The following PTPRT variants were observed in gnomAD, a reference collection of about 807,000 sequenced individuals.
PTPRT encodes protein tyrosine phosphatase receptor type T, also known as receptor-type tyrosine-protein phosphatase T.
Under a neutral mutation model 176.8 loss-of-function variants are expected in PTPRT, and 56 were observed. That is an observed-to-expected ratio of 0.32 (90% CI 0.26 to 0.40). The LOEUF (loss-of-function observed/expected upper bound fraction) is 0.40. Ranked by LOEUF, PTPRT falls within the 10% of genes least tolerant of loss-of-function variation. The probability of loss-of-function intolerance (pLI) is 1.00; values close to 1 mark genes in which losing one functional copy is unlikely to be tolerated. For synonymous variants in PTPRT, 783 were observed against 739.0 expected, an observed-to-expected ratio of 1.06 and a Z score of -0.96; for missense variants, 1,540 against 1,908.2, an observed-to-expected ratio of 0.81 and a Z score of 3.60.
chr20:42,214,625 C>T (rs958337389), intron 15 of PTPRT, among the ~76,000 whole-genome samples: 2 of 152,238 alleles, frequency 1.3e-5, no homozygotes, highest in Non-Finnish European at 2.9e-5. Flanking sequence ...ATCTGTCTAT[C>T]TCTGCTTCTT....
At chr20:42,731,453 C>T (rs572146117) in intron 6 of PTPRT, among the ~76,000 whole-genome samples, 120 of 152,272 alleles carry the variant, frequency 7.9e-4, no homozygotes, top group Middle Eastern at 6.8e-3. Context: ...GGCAGGCCCC[C>T]GAGCCTGACA....
At chr20:42,115,718 G>A (rs191441286) in intron 21 of PTPRT, among the ~76,000 whole-genome samples, 1 of 152,358 alleles carries the variant, frequency 6.6e-6, no homozygotes, top group Non-Finnish European at 1.5e-5. Flanking sequence ...GGGACTGACT[G>A]AGTCCCCTTT....
At chr20:43,185,306 A>C (rs1341324413) in intron 1 of PTPRT, among the ~76,000 whole-genome samples, 1 of 152,102 alleles carries the variant, frequency 6.6e-6, no homozygotes, top group Non-Finnish European at 1.5e-5. Context: ...CAAGTGCACA[A>C]AGTATCTTTT....
intron 1 of PTPRT, among the ~76,000 whole-genome samples, chr20:43,085,378 T>C (rs752896450): frequency 2.4e-4 from 36 of 152,240 alleles, no homozygotes; most frequent in Admixed American, 2.0e-4. Context: ...ACTGTTTATA[T>C]GCTACTCTAT....
chr20:42,580,070 T>C (rs1271816345), intron 7 of PTPRT, among the ~76,000 whole-genome samples: 3 of 152,254 alleles, frequency 2.0e-5, no homozygotes, highest in Non-Finnish European at 4.4e-5. Context: ...CATCTTGAAT[T>C]AATTTTTCTA....
intron 11 of PTPRT, among the ~76,000 whole-genome samples, chr20:42,346,577 G>C: frequency 6.6e-6 from 1 of 152,186 alleles, no homozygotes; most frequent in Non-Finnish European, 1.5e-5. Context: ...CCAAGCTGCT[G>C]AGGTGGTTTG....
chr20:42,795,785 T>C (rs1286643300), intron 2 of PTPRT, among the ~76,000 whole-genome samples: 2 of 152,218 alleles, frequency 1.3e-5, no homozygotes, highest in Non-Finnish European at 2.9e-5. Flanking sequence ...TTTGAGCAAG[T>C]CAGTAAAATT....
At chr20:43,000,345 C>T (rs1431116362) in intron 1 of PTPRT, among the ~76,000 whole-genome samples, 5 of 148,208 alleles carry the variant, frequency 3.4e-5, no homozygotes, top group Non-Finnish European at 6.0e-5. Context: ...CATTCCAAAA[C>T]GAGTTAAAGA....
At chr20:42,287,767 T>A (rs1401268213) in intron 12 of PTPRT, among the ~76,000 whole-genome samples, 3 of 151,920 alleles carry the variant, frequency 2.0e-5, no homozygotes, top group African/African-American at 7.2e-5. Context: ...AAATGATGAA[T>A]ATGCTAATTA....
At chr20:42,782,539 C>A (rs1022802903) in intron 3 of PTPRT, among the ~76,000 whole-genome samples, 4 of 152,210 alleles carry the variant, frequency 2.6e-5, no homozygotes, top group Non-Finnish European at 5.9e-5. Context: ...TTCAGTCACC[C>A]AAGCTGGAGA....
At chr20:42,636,348 C>T (rs2074600247) in intron 7 of PTPRT, among the ~76,000 whole-genome samples, 1 of 152,270 alleles carries the variant, frequency 6.6e-6, no homozygotes, top group Non-Finnish European at 1.5e-5. Flanking sequence ...TCCTGCTATA[C>T]TTCAAACAGA....
At chr20:42,483,568 C>G (rs2071421115) in intron 7 of PTPRT, among the ~76,000 whole-genome samples, 1 of 152,224 alleles carries the variant, frequency 6.6e-6, no homozygotes, top group South Asian at 2.1e-4. Context: ...CCCCATCCCA[C>G]TCAGATGAAT....
intron 2 of PTPRT, among the ~76,000 whole-genome samples, chr20:42,847,958 A>G (rs568189515): frequency 1.1e-4 from 17 of 152,234 alleles, no homozygotes; most frequent in Admixed American, 5.2e-4. Flanking sequence ...ACCGTACCCA[A>G]TTTGTAGTAT....
At chr20:42,373,901 A>G (rs897122501) in intron 9 of PTPRT, among the ~76,000 whole-genome samples, 1 of 152,168 alleles carries the variant, frequency 6.6e-6, no homozygotes, top group African/African-American at 2.4e-5. Flanking sequence ...ATGCCAATGA[A>G]GCACCTCACA....
chr20:42,414,819 T>C (rs1483005369), intron 9 of PTPRT, among the ~76,000 whole-genome samples: 2 of 152,328 alleles, frequency 1.3e-5, no homozygotes, highest in South Asian at 4.1e-4. Context: ...TAAATTAATC[T>C]ATAAATTCAA....
At chr20:43,188,754 G>GC (rs1555845655) in intron 1 of PTPRT, among the ~76,000 whole-genome samples, 2 of 150,288 alleles carry the variant, frequency 1.3e-5, no homozygotes, top group East Asian at 4.0e-4. Context: ...ACTCTTGGGG[G>GC]GGGGGGGGCT....
intron 1 of PTPRT, among the ~76,000 whole-genome samples, chr20:43,114,048 C>A (rs980712585): frequency 6.6e-6 from 1 of 152,156 alleles, no homozygotes; most frequent in African/African-American, 2.4e-5. Context: ...AACACACTTA[C>A]ACACATACAC....
Position 42,966,926 on chromosome 20 carries a change from T to C in PTPRT, c.89-80994A>G, listed in dbSNP as rs571060672. On this transcript the variant is annotated intron_variant, in intron 1 of 30. Coordinates refer to ENST00000373187, the MANE Select transcript of PTPRT (RefSeq NM_007050.6). ...ATAACAGTCACTTGCATTTCTACTTTATTTCTAAAGAATTCCTCCACTTTA... is the reference window on the plus strand; with the variant it reads ...ATAACAGTCACTTGCATTTCTACTTCATTTCTAAAGAATTCCTCCACTTTA... Among the ~76,000 whole-genome samples the C allele has an allele frequency of 2.6e-4, 40 of 152,360 alleles. 1 individual carries two copies. The South Asian group carries it at 8.1e-3, about 31-fold the overall frequency.
At chr20:42,767,692 TAATA>T (rs2145446037) in intron 5 of PTPRT, among the ~76,000 whole-genome samples, 1 of 146,922 alleles carries the variant, frequency 6.8e-6, no homozygotes, top group African/African-American at 2.5e-5. Flanking sequence ...TTAATATATT[TAATA>T]AATTTTTATA....
Sources: allele counts gnomAD v4.1 joint callset (sites outside exome capture counted in the v4.1 genomes callset), GRCh38; gene constraint gnomAD v4.1.1; transcripts MANE v1.5; gene names NCBI Gene and HGNC (gene_info 2026-07-23, HGNC 2026-07-21).